Variants in CES5A observed in about 807,000 individuals in gnomAD.
CES5A encodes carboxylesterase 5A, also known as carboxylesterase 5.
A neutral mutation model predicts 62.9 loss-of-function variants in CES5A; 67 were observed. That is an observed-to-expected ratio of 1.07 (90% confidence interval 0.88 to 1.31). The LOEUF (loss-of-function observed/expected upper bound fraction) is 1.31. CES5A is among the 50% of genes most tolerant of loss of function. The pLI, the probability that CES5A is intolerant of heterozygous loss-of-function variation, is 0.00. For synonymous variants in CES5A, 296 were observed against 280.8 expected (o/e 1.05, Z -0.54); for missense variants, 748 against 708.5 (o/e 1.06, Z -0.63).
rs574056088 is a variant in CES5A at position 55,932,892 on chromosome 16, T to G, written c.160+16893A>C. Among the ~76,000 whole-genome samples the G allele has an allele frequency of 1.7e-3, 255 of 152,218 alleles. 1 individual carries two copies. Among genetic ancestry groups the G allele is most frequent in the Admixed American group, 5.1e-3 (78 of 15,296 alleles). ...AGAATGAATTTGGGGGATACAAAGG[T>G]AGGAGTAGGGACATTAATTAGGTGA... is the stretch of plus-strand genomic sequence containing the variant. On this transcript the variant is annotated intron_variant, in intron 2 of 13. Transcript: ENST00000521992.
intron 1 of CES5A, among the ~76,000 whole-genome samples, chr16:55,895,068 T>A (rs542757715): frequency 6.6e-6 from 1 of 152,336 alleles, no homozygotes; most frequent in African/African-American, 2.4e-5. Flanking sequence ...AGCTCTCACA[T>A]CTGGCTGACC....
At chr16:55,849,918 G>T in intron 10 of CES5A, 145 bp from the exon 11 acceptor site, 1 of 827,930 alleles carries the variant, frequency 1.2e-6, no homozygotes, top group Non-Finnish European at 1.8e-6. Flanking sequence ...CTCATTTGAG[G>T]CTGGAATTTC....
intron 1 of CES5A, among the ~76,000 whole-genome samples, chr16:55,909,564 G>A (rs1398782653): frequency 7.7e-5 from 7 of 91,064 alleles, no homozygotes; most frequent in Admixed American, 2.2e-4. Context: ...GAGTGCGTGC[G>A]CACGTGCACA....
chr16:55,932,229 C>T (rs1347677673), intron 2 of CES5A, among the ~76,000 whole-genome samples: 1 of 152,176 alleles, frequency 6.6e-6, no homozygotes, highest in Admixed American at 6.5e-5. Flanking sequence ...CACCTCAGGA[C>T]TCTGCAGAGA....
intron 1 of CES5A, among the ~76,000 whole-genome samples, chr16:55,922,999 G>A (rs1175045739): frequency 2.6e-5 from 4 of 151,718 alleles, no homozygotes; most frequent in Admixed American, 6.6e-5. Context: ...AAATGAAAAT[G>A]AAAATACAAC....
intron 11 of CES5A, among the ~76,000 whole-genome samples, chr16:55,848,724 C>T (rs1264062002): frequency 1.3e-5 from 2 of 152,140 alleles, no homozygotes; most frequent in African/African-American, 4.8e-5. Flanking sequence ...GGAATTTAAC[C>T]TTTTGATACA....
At chr16:55,901,444 GT>G (rs2033989854) in intron 1 of CES5A, among the ~76,000 whole-genome samples, 1 of 152,158 alleles carries the variant, frequency 6.6e-6, no homozygotes, top group African/African-American at 2.4e-5. Context: ...ATTAAAAGAT[GT>G]TTGTTTTGTT....
intron 1 of CES5A, among the ~76,000 whole-genome samples, chr16:55,918,857 G>A (rs2034172950): frequency 6.6e-6 from 1 of 152,196 alleles, no homozygotes; most frequent in South Asian, 2.1e-4. Flanking sequence ...GAATGATCAT[G>A]AGCATTCATG....
chr16:55,893,304 C>A (rs115804106), intron 1 of CES5A, among the ~76,000 whole-genome samples: 1 of 151,062 alleles, frequency 6.6e-6, no homozygotes, highest in African/African-American at 2.4e-5. Flanking sequence ...TTTTCAATAT[C>A]GGTATGAAAT....
chr16:55,877,078 G>A (rs1178665846), upstream of CES5A, among the ~76,000 whole-genome samples: 2 of 152,126 alleles, frequency 1.3e-5, no homozygotes, highest in Non-Finnish European at 2.9e-5. Context: ...AGGAACCCCG[G>A]CAGTGGGACA....
At chr16:55,852,756 C>A in intron 10 of CES5A, 125 bp downstream of exon 10, 1 of 1,088,754 alleles carries the variant, frequency 9.2e-7, no homozygotes, top group Non-Finnish European at 1.3e-6. Flanking sequence ...CCAGGCACAC[C>A]TGGAAATGCA....
intron 2 of CES5A, among the ~76,000 whole-genome samples, chr16:55,940,797 A>T (rs2034437538): frequency 6.6e-6 from 1 of 151,892 alleles, no homozygotes; most frequent in South Asian, 2.1e-4. Context: ...AATTAAAAAA[A>T]CACATACACA....
chr16:55,943,914 A>C (rs762878298), intron 2 of CES5A: 85 of 627,836 alleles, frequency 1.4e-4, no homozygotes, highest in Non-Finnish European at 2.3e-4. Flanking sequence ...ATCCAGTAAG[A>C]GGGTCTAGAG....
Position 55,869,646 on chromosome 16 carries a change from G to T in CES5A, c.516C>A (p.Val172=). Residue 172 remains valine, a synonymous_variant, in exon 4 of 13, where the codon GTC becomes GTA. Transcript: ENST00000290567. ...LAAYEDVLVV[V]VQYRLGIFGF... ...CAAATATTCCTAGCCGGTACTGGACGACCACAACCAGCACGTCCTCATAGG... is the reference window on the plus strand; with the variant it reads ...CAAATATTCCTAGCCGGTACTGGACTACCACAACCAGCACGTCCTCATAGG... 1 of 1,613,712 alleles carries T rather than the reference G, an allele frequency of 6.2e-7. No individual in the cohort carries two copies. The highest frequency in any genetic ancestry group is 1.1e-5 in the South Asian group (1 of 90,952).
At position 55,863,325 on chromosome 16, in the gene CES5A, C is replaced by T. The variant is rs778186063; in HGVS notation, c.810+23G>A. 3.3e-6 allele frequency: 4 copies of T among 1,195,680 alleles called. No homozygotes were observed. The Admixed American group carries it at 5.0e-5, about 15-fold the overall frequency. 74.1% of individuals were successfully genotyped at this position (1,195,680 alleles called of 1,614,324 possible). Reference sequence around the variant, plus strand: ...CTGCTAACTGAGGAGAGGAAGGTGGCAAGGTGTTAACAGTATACGTACGTC... The same window carrying T: ...CTGCTAACTGAGGAGAGGAAGGTGGTAAGGTGTTAACAGTATACGTACGTC... On this transcript the variant is annotated intron_variant, in intron 6 of 12. Transcript: ENST00000290567.
At chr16:55,940,592 A>T (rs1457577848) in intron 2 of CES5A, among the ~76,000 whole-genome samples, 1 of 151,940 alleles carries the variant, frequency 6.6e-6, no homozygotes, top group Non-Finnish European at 1.5e-5. Context: ...AAATTCTACA[A>T]AATATTTAAA....
intron 1 of CES5A, among the ~76,000 whole-genome samples, chr16:55,914,160 C>T (rs552495446): frequency 6.6e-6 from 1 of 152,136 alleles, no homozygotes; most frequent in African/African-American, 2.4e-5. Flanking sequence ...ACAGGGCCTC[C>T]TATATTTTTA....
intron 5 of CES5A, among the ~76,000 whole-genome samples, chr16:55,863,663 T>C (rs1381560990): frequency 6.6e-6 from 1 of 152,204 alleles, no homozygotes; most frequent in Non-Finnish European, 1.5e-5. Flanking sequence ...TCATGGACTT[T>C]GATGTCAAAT....
upstream of CES5A, among the ~76,000 whole-genome samples, chr16:55,926,356 T>C (rs1191533671): frequency 6.6e-6 from 1 of 152,176 alleles, no homozygotes; most frequent in Non-Finnish European, 1.5e-5. Context: ...GAAAATGGAA[T>C]TAAAAGATAA....
Sources: gnomAD v4.1 joint callset for allele counts (sites outside exome capture counted in the v4.1 genomes callset) on GRCh38, gnomAD v4.1.1 for gene constraint, MANE v1.5 for transcripts, NCBI Gene and HGNC (gene_info 2026-07-23, HGNC 2026-07-21) for gene names.